MTFR1L: variants seen among roughly 807,000 people sequenced by gnomAD.
MTFR1L encodes mitochondrial fission regulator 1 like.
Under a neutral mutation model 27.9 loss-of-function variants are expected in MTFR1L, and 10 were observed. The observed-to-expected ratio is 0.36, with a 90% CI of 0.22 to 0.61. The LOEUF is 0.61. Ranked by LOEUF, MTFR1L falls within the 20% of genes least tolerant of loss-of-function variation. The pLI is 0.73. For missense variants in MTFR1L, 315 were observed against 363.7 expected, an observed-to-expected ratio of 0.87 and a Z score of 1.09; for synonymous variants, 151 against 139.4, an observed-to-expected ratio of 1.08 and a Z score of -0.58.
Position 25,826,350 on chromosome 1 carries a change from C to T in MTFR1L, c.178C>T (p.Pro60Ser), listed in dbSNP as rs1394442633. 6.2e-7 allele frequency: 1 copy of T among 1,614,030 alleles called. No individual in the cohort carries two copies. Among genetic ancestry groups the T allele is most frequent in the African/African-American group, 1.3e-5 (1 of 74,908 alleles). The change falls in exon 4 of 7, where the codon CCT becomes TCT. Residue 60 changes from proline (P) to serine (S), a missense_variant. Pro to Ser is a moderately conservative substitution (Grantham distance 74). Coordinates refer to ENST00000374303, the MANE Select transcript of MTFR1L (RefSeq NM_001099625.2). This position sits in a 1 kb window ranked among gnomAD's most constrained non-coding sequence, Gnocchi z 4.1. ...GTGTTTGAGAGATGTGCCCCCAGTCCCTACCCTGGCTGACATCGCCTGGAT... is the reference window on the plus strand; with the variant it reads ...GTGTTTGAGAGATGTGCCCCCAGTCTCTACCCTGGCTGACATCGCCTGGAT... ...DLCLRDVPPV[P>S]TLADIAWIAA...
At chr1:25,828,807 G>C (rs2048201070) in intron 5 of MTFR1L, among the ~76,000 whole-genome samples, 1 of 152,104 alleles carries the variant, frequency 6.6e-6, no homozygotes, top group Admixed American at 6.5e-5. Flanking sequence ...TTATCATTTG[G>C]TAGGACACAT....
chr1:25,826,684 T>C lies in MTFR1L; in HGVS notation c.309T>C (p.Ser103=), dbSNP rs139047018. Residue 103 remains serine (S), a synonymous_variant, in exon 5 of 7, where the codon TCT becomes TCC. Transcript: ENST00000374303. The surrounding 1 kb of genome is among the most constrained non-coding windows in gnomAD (Gnocchi z 4.1). ...SPLIVMQRNA[S]VPNLRGSEER... is the part of the protein sequence containing the mutation. ...TGATTGTCATGCAGCGCAATGCCTC[T>C]GTTCCCAACCTGCGTGGGTCCGAGG... The C allele has an allele frequency of 2.1e-4, 342 of 1,614,220 alleles. 3 individuals carry two copies. In the African/African-American group the frequency reaches 4.1e-3, roughly 19 times the overall value.
Position 25,832,063 on chromosome 1 carries a change from G to A in MTFR1L, c.*37G>A, listed in dbSNP as rs1454393463. The A allele has an allele frequency of 1.2e-6, 2 of 1,613,732 alleles. No homozygotes were observed. The highest frequency in any genetic ancestry group is 2.7e-5 in the African/African-American group (2 of 74,932). On this transcript the variant is annotated 3_prime_UTR_variant, in exon 7 of 7. Transcript: ENST00000374303. ...TCTGCAAACTCAGTCTCATGCTCCT[G>A]GAATACCTTCAATAGCTGCCTTCCT...
intron 5 of MTFR1L, among the ~76,000 whole-genome samples, chr1:25,827,138 C>G (rs890619257): frequency 1.4e-5 from 2 of 148,020 alleles, no homozygotes; most frequent in African/African-American, 4.9e-5. Context: ...CCCACAGTAG[C>G]TTTTTTTTTT....
chr1:25,831,563 G>A (rs1056843641), intron 6 of MTFR1L, among the ~76,000 whole-genome samples: 4 of 152,158 alleles, frequency 2.6e-5, no homozygotes, highest in African/African-American at 9.7e-5. Flanking sequence ...AAGAAAACAG[G>A]GCCAGAAGGC....
At chr1:25,824,909 G>A (rs762319651) in intron 3 of MTFR1L, among the ~76,000 whole-genome samples, 1 of 152,102 alleles carries the variant, frequency 6.6e-6, no homozygotes, top group Admixed American at 6.6e-5. Context: ...CACAGAGCAG[G>A]AATGTATGTG....
At position 25,819,961 on chromosome 1, in the gene MTFR1L, T is replaced by C; in HGVS notation, c.-155T>C. ...GGCGGGTCAGCGGAAGTGAGGGCGG[T>C]TGAGGCTGGGCGGCCCAAGGTGGAA... is the stretch of plus-strand genomic sequence containing the variant. On this transcript the variant is annotated 5_prime_UTR_variant, in exon 1 of 7. Transcript: ENST00000374303. 1 of 310,556 alleles carries C rather than the reference T, an allele frequency of 3.2e-6. No homozygotes were observed. Among genetic ancestry groups the C allele is most frequent in the Non-Finnish European group, 6.2e-6 (1 of 162,236 alleles). 19.2% of individuals were successfully genotyped at this position (310,556 alleles called of 1,614,324 possible).
rs559199865 is a variant in MTFR1L at position 25,832,090 on chromosome 1, A to C, written c.*64A>C. The C allele has an allele frequency of 3.4e-5, 55 of 1,612,580 alleles. No homozygotes were observed. In the South Asian group the frequency reaches 4.9e-4, roughly 14 times the overall value. ...AATACCTTCAATAGCTGCCTTCCTC[A>C]CCGCAGATGTTTCTGCCTCTTAAGG... On this transcript the variant is annotated 3_prime_UTR_variant, in exon 7 of 7. Transcript: ENST00000374303.
chr1:25,826,431 G>C lies in MTFR1L; in HGVS notation c.239+20G>C. On this transcript the variant is annotated intron_variant, in intron 4 of 6. Transcript: ENST00000374303. This position sits in a 1 kb window ranked among gnomAD's most constrained non-coding sequence, Gnocchi z 4.1. Reference sequence around the variant, plus strand: ...GGTCAGGTAGTTGAGGCAGTAGCTGGTCTGCTAAGGAATGGAGAACTTCCC... The same window carrying C: ...GGTCAGGTAGTTGAGGCAGTAGCTGCTCTGCTAAGGAATGGAGAACTTCCC... The C allele has an allele frequency of 6.2e-7, 1 of 1,612,552 alleles. No homozygotes were observed. Among genetic ancestry groups the C allele is most frequent in the Non-Finnish European group, 8.5e-7 (1 of 1,178,566 alleles).
At position 25,832,368 on chromosome 1, in the gene MTFR1L, A is replaced by G. The variant is rs2048256835; in HGVS notation, c.*342A>G. ...GACTGACTTCACTGCATTAGACCCT[A>G]TAGCTGGTCTCACAAGACACTTTGT... On this transcript the variant is annotated 3_prime_UTR_variant, in exon 7 of 7. Transcript: ENST00000374303. 1.7e-6 allele frequency: 1 copy of G among 584,140 alleles called. No homozygotes were observed. The highest frequency in any genetic ancestry group is 3.0e-6 in the Non-Finnish European group (1 of 331,538). The allele number at this position is 584,140 out of a possible 1,614,324, so 36.2% of individuals were successfully genotyped here.
Position 25,823,016 on chromosome 1 carries a change from C to G in MTFR1L, c.-86-3C>G, listed in dbSNP as rs111708068. 6.2e-7 allele frequency: 1 copy of G among 1,612,542 alleles called. No individual in the cohort carries two copies. Among genetic ancestry groups the G allele is most frequent in the Non-Finnish European group, 8.5e-7 (1 of 1,178,990 alleles). ...ACAAGAGGGAAATCTGGTGCTCCTC[C>G]AGATGGCCTGATATGAAGGAGTCAC... is the stretch of plus-strand genomic sequence containing the variant. On this transcript the variant is annotated splice_region_variant and splice_polypyrimidine_tract_variant and intron_variant, in intron 1 of 6. Coordinates refer to ENST00000374303, the MANE Select transcript of MTFR1L (RefSeq NM_001099625.2).
In MTFR1L at chr1:25,826,778, C is replaced by T. The variant is rs949271349; in HGVS notation, c.403C>T (p.Leu135=). Residue 135 remains leucine (L), a synonymous_variant, in exon 5 of 7, where the codon CTG becomes TTG. Coordinates refer to ENST00000374303, the MANE Select transcript of MTFR1L (RefSeq NM_001099625.2). This position sits in a 1 kb window ranked among gnomAD's most constrained non-coding sequence, Gnocchi z 4.1. ...LSRTTELQDE[L]SHLRSQIAKI... is the part of the protein sequence containing the mutation. ...CCGCACTACTGAGCTGCAGGACGAGCTGAGCCACTTGCGCAGCCAGATTGC... is the reference window on the plus strand; with the variant it reads ...CCGCACTACTGAGCTGCAGGACGAGTTGAGCCACTTGCGCAGCCAGATTGC... 1 of 1,613,980 alleles carries T rather than the reference C, an allele frequency of 6.2e-7. No individual in the cohort carries two copies. Among genetic ancestry groups the T allele is most frequent in the African/African-American group, 1.3e-5 (1 of 74,948 alleles).
intron 2 of MTFR1L, 85 bp from the exon 3 acceptor site, chr1:25,823,559 C>T: frequency 1.1e-5 from 17 of 1,549,144 alleles, no homozygotes; most frequent in Non-Finnish European, 1.5e-5. Flanking sequence ...GGAATTCAGT[C>T]TCCACAAACC....
At chr1:25,823,839 C>A in intron 3 of MTFR1L, 91 bp downstream of exon 3, 1 of 1,448,104 alleles carries the variant, frequency 6.9e-7, no homozygotes, top group Non-Finnish European at 9.3e-7. Context: ...TAGGTTGTTT[C>A]CTGGTCACTT....
chr1:25,822,890 C>G, intron 1 of MTFR1L, 129 bp from the exon 2 acceptor site: 3 of 711,918 alleles, frequency 4.2e-6, no homozygotes, highest in Non-Finnish European at 7.3e-6. Flanking sequence ...AGGGCAGCCT[C>G]TTGGGCTGGT....
Position 25,826,974 on chromosome 1 carries a change from A to G in MTFR1L, c.451+148A>G, listed in dbSNP as rs554173483. ...GGGTTGTCCTGAAGCCTGGCTAGCC[A>G]GTAGTGCCTCTTAGATGGTTTCTAC... On this transcript the variant is annotated intron_variant, in intron 5 of 6. Transcript: ENST00000374303. The surrounding 1 kb of genome is among the most constrained non-coding windows in gnomAD (Gnocchi z 4.1). The G allele has an allele frequency of 8.2e-6, 7 of 858,226 alleles. No individual in the cohort carries two copies. In the East Asian group the frequency reaches 1.1e-4, roughly 13 times the overall value. 53.2% of individuals were successfully genotyped at this position (858,226 alleles called of 1,614,324 possible). A position where few individuals can be genotyped will look rare whatever the true frequency, so the allele number is the denominator to read the frequency against.
chr1:25,826,790 C>A lies in MTFR1L; in HGVS notation c.415C>A (p.Arg139Ser). The A allele has an allele frequency of 1.2e-6, 2 of 1,614,064 alleles. No homozygotes were observed. The highest frequency in any genetic ancestry group is 1.7e-6 in the Non-Finnish European group (2 of 1,180,040). The change falls in exon 5 of 7, where the codon CGC (arginine) becomes AGC (serine). Residue 139 changes from arginine (R) to serine (S), a missense_variant. Physicochemically the swap from Arg to Ser is moderately radical, Grantham distance 110. Transcript: ENST00000374303. The surrounding 1 kb of genome is among the most constrained non-coding windows in gnomAD (Gnocchi z 4.1). ...TELQDELSHL[R>S]SQIAKIVAAD... The stretch of plus-strand genomic sequence containing the variant: ...GCTGCAGGACGAGCTGAGCCACTTG[C>A]GCAGCCAGATTGCAAAGATAGTGGC...
rs1264539379 is a variant in MTFR1L at position 25,820,014 on chromosome 1, G to GGAGCCCGA, written c.-100_-93dup. ...AGGGGCCGTGAGGTGAGAGAGTCCG[G>GGAGCCCGA]GAGCCCGAGCTTGAGGTGAGAAAGG... On this transcript the variant is annotated 5_prime_UTR_variant, in exon 1 of 7. Transcript: ENST00000374303. 8.5e-6 allele frequency: 3 copies of GGAGCCCGA among 352,224 alleles called. No homozygotes were observed. Among genetic ancestry groups the GGAGCCCGA allele is most frequent in the African/African-American group, 6.7e-5 (3 of 44,804 alleles). The allele number at this position is 352,224 out of a possible 1,614,324, so 21.8% of individuals were successfully genotyped here. A position where few individuals can be genotyped will look rare whatever the true frequency, so the allele number is the denominator to read the frequency against.
intron 2 of MTFR1L, 58 bp from the exon 3 acceptor site, chr1:25,823,586 A>AG: frequency 6.3e-7 from 1 of 1,589,950 alleles, no homozygotes; most frequent in Non-Finnish European, 8.6e-7. Context: ...GGAGAGGACA[A>AG]GGACAGTAGT....
Sources: allele counts gnomAD v4.1 joint callset (sites outside exome capture counted in the v4.1 genomes callset), GRCh38; gene constraint gnomAD v4.1.1; non-coding constraint Gnocchi (gnomAD v3.1); transcripts MANE v1.5; gene names NCBI Gene and HGNC (gene_info 2026-07-23, HGNC 2026-07-21).